The following PTPRN2 variants were observed in gnomAD, a reference collection of about 807,000 sequenced individuals.
PTPRN2 encodes the protein receptor-type tyrosine-protein phosphatase N2.
A neutral mutation model predicts 118.8 loss-of-function variants in PTPRN2; 74 were observed. The observed-to-expected ratio is 0.62, with a 90% CI of 0.52 to 0.76. PTPRN2 has a LOEUF of 0.76. Among genes scored for constraint, PTPRN2 ranks in the 30% least tolerant of loss-of-function variants. The pLI is 0.00. For missense variants in PTPRN2, 1,481 were observed against 1,394.4 expected, an observed-to-expected ratio of 1.06 and a Z score of -0.99; for synonymous variants, 641 against 608.0, an observed-to-expected ratio of 1.05 and a Z score of -0.80.
intron 12 of PTPRN2, among the ~76,000 whole-genome samples, chr7:157,792,999 T>A (rs1429099608): frequency 6.6e-6 from 1 of 152,198 alleles, no homozygotes; most frequent in East Asian, 1.9e-4. Context: ...TCAGCAGTGA[T>A]GAGCTTAAAT....
intron 12 of PTPRN2, among the ~76,000 whole-genome samples, chr7:157,892,692 G>C (rs940573168): frequency 6.6e-6 from 1 of 151,906 alleles, no homozygotes; most frequent in African/African-American, 2.4e-5. Context: ...TACTGAATAA[G>C]GCAATTAAAA....
chr7:158,171,312 T>TATATATATATATATATATATATACATAC, intron 5 of PTPRN2, among the ~76,000 whole-genome samples: 1 of 31,876 alleles, frequency 3.1e-5, no homozygotes, highest in African/African-American at 1.1e-4. Context: ...TACACACATA[T>TATATATATATATATATATATATACATAC]ATATATATAT....
Position 158,587,785 on chromosome 7 carries a change from G to A in PTPRN2, c.-116C>T. The A allele has an allele frequency of 2.1e-6, 2 of 969,588 alleles. No homozygotes were observed. Among genetic ancestry groups the A allele is most frequent in the African/African-American group, 3.6e-5 (2 of 56,150 alleles). 60.1% of individuals were successfully genotyped at this position (969,588 alleles called of 1,614,324 possible). A position where few individuals can be genotyped will look rare whatever the true frequency, so the allele number is the denominator to read the frequency against. On this transcript the variant is annotated 5_prime_UTR_variant, in exon 1 of 23. Transcript: ENST00000389418. ...CGGCTCCTCCCGCCGCGCCTCTCGC[G>A]CTCTTGCGGCGACGCCGGGCCGAGC...
At chr7:157,645,140 A>T (rs1796272) in intron 14 of PTPRN2, among the ~76,000 whole-genome samples, 1 of 152,192 alleles carries the variant, frequency 6.6e-6, no homozygotes, top group Non-Finnish European at 1.5e-5. Context: ...CCTGTGATTG[A>T]TGTTGCGTGG....
chr7:158,204,979 G>A (rs1423808580), intron 4 of PTPRN2, among the ~76,000 whole-genome samples, 192 bp downstream of exon 4: 2 of 152,166 alleles, frequency 1.3e-5, no homozygotes, highest in Non-Finnish European at 2.9e-5. Context: ...TTACTGGAGG[G>A]TCACCCCAAT....
chr7:157,639,470 T>C (rs1286144153), intron 14 of PTPRN2, among the ~76,000 whole-genome samples: 1 of 152,220 alleles, frequency 6.6e-6, no homozygotes, highest in African/African-American at 2.4e-5. Context: ...TCCAGTGATA[T>C]GAAGAAGGAG....
At chr7:158,490,598 G>A (rs992409466) in intron 1 of PTPRN2, among the ~76,000 whole-genome samples, 3 of 152,264 alleles carry the variant, frequency 2.0e-5, no homozygotes, top group Non-Finnish European at 2.9e-5. Flanking sequence ...TCCCGCGAGG[G>A]CGTGAGCACC....
chr7:158,181,604 T>C (rs1824712614), intron 5 of PTPRN2, among the ~76,000 whole-genome samples: 2 of 152,310 alleles, frequency 1.3e-5, no homozygotes, highest in Admixed American at 1.3e-4. Flanking sequence ...AGTTACTGAT[T>C]CAATCTCACT....
At chr7:158,479,737 C>A (rs1820528460) in intron 2 of PTPRN2, among the ~76,000 whole-genome samples, 1 of 152,220 alleles carries the variant, frequency 6.6e-6, no homozygotes. Flanking sequence ...CAGGTCCTGG[C>A]TGCTGCCTGT....
At chr7:158,188,536 G>GT (rs1825451897) in intron 5 of PTPRN2, among the ~76,000 whole-genome samples, 3 of 85,172 alleles carry the variant, frequency 3.5e-5, no homozygotes, top group South Asian at 4.4e-4. Context: ...CTCGCCGCCT[G>GT]ATGGGGAAGG....
Position 157,953,558 on chromosome 7 carries a change from C to T in PTPRN2, c.1724-54821G>A, listed in dbSNP as rs1012528643. ...GTCTGTGCTGCCCTGCAACCTGGAT[C>T]CACATGGCTGGAGGTCCGGTGTCCC... On this transcript the variant is annotated intron_variant, in intron 11 of 22. Transcript: ENST00000389418. The surrounding 1 kb of genome is among the most constrained non-coding windows in gnomAD (Gnocchi z 4.6). Among the ~76,000 whole-genome samples the T allele has an allele frequency of 4.6e-5, 7 of 152,178 alleles. No homozygotes were observed. The highest frequency in any genetic ancestry group is 6.5e-5 in the Admixed American group (1 of 15,280).
intron 12 of PTPRN2, among the ~76,000 whole-genome samples, chr7:157,685,322 A>T (rs1797130074): frequency 6.6e-6 from 1 of 151,868 alleles, no homozygotes; most frequent in South Asian, 2.1e-4. Context: ...GGGAACAGGG[A>T]CTTCCCGAAC....
intron 3 of PTPRN2, among the ~76,000 whole-genome samples, chr7:158,245,028 G>C (rs970668323): frequency 1.4e-4 from 21 of 152,202 alleles, no homozygotes; most frequent in African/African-American, 5.1e-4. Context: ...GTCGTCTTGA[G>C]GATGGCCTCG....
chr7:158,358,601 A>G (rs1300341919), intron 2 of PTPRN2, among the ~76,000 whole-genome samples: 3 of 152,244 alleles, frequency 2.0e-5, no homozygotes, highest in Non-Finnish European at 4.4e-5. Context: ...TGGTCTATTT[A>G]CACGACAGAA....
intron 12 of PTPRN2, among the ~76,000 whole-genome samples, chr7:157,688,019 C>A (rs902774599): frequency 6.6e-6 from 1 of 152,104 alleles, no homozygotes; most frequent in Non-Finnish European, 1.5e-5. Context: ...TGGGAGAAGC[C>A]CTTTGTGCAA....
intron 9 of PTPRN2, among the ~76,000 whole-genome samples, chr7:158,132,810 TACAC>T (rs1312801519): frequency 4.6e-5 from 7 of 150,574 alleles, no homozygotes; most frequent in Non-Finnish European, 7.4e-5. Context: ...CGTATGCAGA[TACAC>T]ACACATCTAC....
chr7:158,328,113 A>T (rs1443845408), intron 2 of PTPRN2, among the ~76,000 whole-genome samples: 1 of 152,172 alleles, frequency 6.6e-6, no homozygotes, highest in South Asian at 2.1e-4. Flanking sequence ...AAGTGCTCCC[A>T]TTCTGCAAGG....
At chr7:157,900,465 C>T (rs1797378181) in intron 11 of PTPRN2, among the ~76,000 whole-genome samples, 1 of 152,242 alleles carries the variant, frequency 6.6e-6, no homozygotes. Flanking sequence ...TTGACCTCAA[C>T]ATCCAGACCT....
chr7:158,125,557 C>T (rs1314960474), intron 9 of PTPRN2, among the ~76,000 whole-genome samples: 1 of 152,216 alleles, frequency 6.6e-6, no homozygotes, highest in Non-Finnish European at 1.5e-5. Context: ...AACATGTTTA[C>T]CCATCGGGGC....
Sources: gnomAD v4.1 joint callset for allele counts (sites outside exome capture counted in the v4.1 genomes callset) on GRCh38, gnomAD v4.1.1 for gene constraint, Gnocchi (gnomAD v3.1) non-coding constraint, MANE v1.5 for transcripts, NCBI Gene and HGNC (gene_info 2026-07-23, HGNC 2026-07-21) for gene names.